MTUS2: variants seen among roughly 807,000 people sequenced by gnomAD.
The protein encoded by MTUS2 is microtubule-associated tumor suppressor candidate 2.
In MTUS2, 40 loss-of-function variants were observed where a neutral mutation model predicts 114.1. The observed-to-expected ratio is 0.35, with a 90% confidence interval of 0.27 to 0.46. The LOEUF (loss-of-function observed/expected upper bound fraction) is 0.46, where lower values mean the gene tolerates loss of function less well. Among genes scored for constraint, MTUS2 ranks in the 20% least tolerant of loss-of-function variants. The probability of loss-of-function intolerance (pLI) is 1.00; values close to 1 mark genes in which losing one functional copy is unlikely to be tolerated. For missense variants in MTUS2, 1,679 were observed against 1,705.4 expected (o/e 0.98, Z 0.27); for synonymous variants, 688 against 672.0 (o/e 1.02, Z -0.37).
chr13:29,341,970 C>T (rs1901422665), intron 7 of MTUS2, among the ~76,000 whole-genome samples: 1 of 151,806 alleles, frequency 6.6e-6, no homozygotes. Context: ...AGGTATTAGG[C>T]TTTATTTCTC....
intron 2 of MTUS2, among the ~76,000 whole-genome samples, chr13:28,866,674 A>C (rs942764117): frequency 9.2e-5 from 14 of 152,212 alleles, no homozygotes; most frequent in Admixed American, 9.2e-4. Context: ...CACGGTTGCC[A>C]AGAATGGGTT....
chr13:29,395,127 A>G (rs887917149), intron 8 of MTUS2, among the ~76,000 whole-genome samples: 3 of 152,332 alleles, frequency 2.0e-5, no homozygotes, highest in Middle Eastern at 3.4e-3. Flanking sequence ...ATGAGATGCT[A>G]TACTAGAGTC....
At chr13:29,354,348 G>A (rs972679084) in intron 7 of MTUS2, among the ~76,000 whole-genome samples, 1 of 146,352 alleles carries the variant, frequency 6.8e-6, no homozygotes, top group African/African-American at 2.6e-5. Flanking sequence ...TTTGGCAATT[G>A]TCATAACACT....
At position 29,480,711 on chromosome 13, in the gene MTUS2, C is replaced by CA. The variant is rs1222814778; in HGVS notation, c.3399+348dup. Among the ~76,000 whole-genome samples, 1 of 152,140 alleles carries CA rather than the reference C, an allele frequency of 6.6e-6. No individual in the cohort carries two copies. Among genetic ancestry groups the CA allele is most frequent in the African/African-American group, 2.4e-5 (1 of 41,430 alleles). On this transcript the variant is annotated intron_variant, in intron 10 of 15. Transcript: ENST00000612955. This position sits in a 1 kb window ranked among gnomAD's most constrained non-coding sequence, Gnocchi z 4.4. Reference sequence around the variant, plus strand: ...ATTATTCCTCCCCCAACCACATACACACTCTTTCTGTCCCCCTCCCAGTAT... The same window carrying CA: ...ATTATTCCTCCCCCAACCACATACACAACTCTTTCTGTCCCCCTCCCAGTAT...
At chr13:29,235,279 G>A (rs1896493411) in intron 5 of MTUS2, among the ~76,000 whole-genome samples, 1 of 152,106 alleles carries the variant, frequency 6.6e-6, no homozygotes, top group Admixed American at 6.6e-5. Context: ...TTTTGGTAGA[G>A]ATGGGGTTTC....
intron 5 of MTUS2, among the ~76,000 whole-genome samples, chr13:29,257,379 C>A (rs1897314891): frequency 6.6e-6 from 1 of 152,198 alleles, no homozygotes; most frequent in African/African-American, 2.4e-5. Flanking sequence ...CTTCTGCTAC[C>A]TTCCTAGAAT....
At chr13:29,183,933 T>C (rs1387779950) in intron 5 of MTUS2, among the ~76,000 whole-genome samples, 3 of 152,238 alleles carry the variant, frequency 2.0e-5, no homozygotes, top group Non-Finnish European at 4.4e-5. Context: ...CCCCGTAGTT[T>C]GTTATAAAAA....
chr13:29,464,440 C>T (rs180907892), intron 9 of MTUS2, among the ~76,000 whole-genome samples: 1 of 152,338 alleles, frequency 6.6e-6, no homozygotes, highest in East Asian at 1.9e-4. Context: ...CAGCCCTGGG[C>T]AGGTCCCTGT....
chr13:29,025,191 A>G lies in MTUS2; in HGVS notation c.493A>G (p.Lys165Glu), dbSNP rs767327701. 1 of 1,613,968 alleles carries G rather than the reference A, an allele frequency of 6.2e-7. No individual in the cohort carries two copies. The highest frequency in any genetic ancestry group is 1.1e-5 in the South Asian group (1 of 91,086). ...GCATGTTCCCAAGGATAAACTGGCA[A>G]AGACCCTTGACAATGAGGAACTGAG... ...PRHVPKDKLA[K>E]TLDNEELRRH... Residue 165 changes from lysine (K) to glutamate (E), a missense_variant, in exon 3 of 16, where the codon AAG becomes GAG. By Grantham distance (56) the Lys-to-Glu change is moderately conservative. Coordinates refer to ENST00000612955, the MANE Select transcript of MTUS2 (RefSeq NM_001033602.4).
At chr13:28,823,486 G>A (rs756573408) in intron 1 of MTUS2, among the ~76,000 whole-genome samples, 1 of 152,082 alleles carries the variant, frequency 6.6e-6, no homozygotes, top group Non-Finnish European at 1.5e-5. Context: ...TCCCACCAAC[G>A]GGTATACCTT....
chr13:29,246,064 T>G (rs1393899689), intron 5 of MTUS2, among the ~76,000 whole-genome samples: 1 of 152,218 alleles, frequency 6.6e-6, no homozygotes, highest in Admixed American at 6.5e-5. Context: ...CCTGGTATAT[T>G]TATGTCATAT....
intron 8 of MTUS2, among the ~76,000 whole-genome samples, chr13:29,410,531 A>T (rs996813576): frequency 6.6e-6 from 1 of 152,126 alleles, no homozygotes; most frequent in African/African-American, 2.4e-5. Flanking sequence ...TTATATGTTT[A>T]AGGGCCATTT....
intron 4 of MTUS2, among the ~76,000 whole-genome samples, chr13:29,076,369 C>T (rs117167863): frequency 6.6e-6 from 1 of 152,314 alleles, no homozygotes; most frequent in East Asian, 1.9e-4. Context: ...ATCACTCTAA[C>T]GCTTAGATGC....
chr13:28,955,005 CTG>C (rs907664185), intron 2 of MTUS2, among the ~76,000 whole-genome samples: 32 of 152,288 alleles, frequency 2.1e-4, no homozygotes, highest in African/African-American at 7.2e-4. Context: ...TGCAAGAACA[CTG>C]TGGAGTCAGC....
chr13:29,046,988 T>G (rs1016705571), intron 4 of MTUS2, among the ~76,000 whole-genome samples: 4 of 152,218 alleles, frequency 2.6e-5, no homozygotes, highest in African/African-American at 9.7e-5. Context: ...GAGGCAGGAC[T>G]TGCGTCAGGA....
chr13:29,025,846 G>T lies in MTUS2; in HGVS notation c.1148G>T (p.Gly383Val). ...AGAGGCAACTGTGAAGAGAAGAGAG[G>T]AGTCAACCCAGGGGAGCAGGATTCT... ...VGRGNCEEKR[G>V]VNPGEQDSLH... The change falls in exon 3 of 16, where the codon GGA (glycine) becomes GTA (valine). Residue 383 changes from glycine to valine, a missense_variant. Gly to Val is a moderately radical substitution (Grantham distance 109, BLOSUM62 -3). Around this residue, in one of 3 missense-constraint regions of MTUS2, gnomAD observed 843 missense variants for 770.8 expected, o/e 1.09. Transcript: ENST00000612955. 1.2e-6 allele frequency: 2 copies of T among 1,613,578 alleles called. No homozygotes were observed. The highest frequency in any genetic ancestry group is 1.7e-6 in the Non-Finnish European group (2 of 1,179,712).
intron 7 of MTUS2, among the ~76,000 whole-genome samples, chr13:29,353,080 G>A (rs1044394824): frequency 2.6e-5 from 4 of 152,060 alleles, no homozygotes; most frequent in African/African-American, 9.7e-5. Context: ...TCTCATTATG[G>A]GTTGTATAAC....
chr13:29,459,846 A>G (rs1174215563), intron 9 of MTUS2, among the ~76,000 whole-genome samples: 2 of 152,130 alleles, frequency 1.3e-5, no homozygotes, highest in South Asian at 2.1e-4. Flanking sequence ...TGCTACTCCC[A>G]TAAGATAGCC....
At chr13:29,449,255 C>T (rs1878513313) in intron 9 of MTUS2, among the ~76,000 whole-genome samples, 1 of 146,144 alleles carries the variant, frequency 6.8e-6, no homozygotes, top group African/African-American at 2.5e-5. Context: ...CGGCAGTGAG[C>T]ACTGAATTGT....
Sources: gnomAD v4.1 joint callset for allele counts (sites outside exome capture counted in the v4.1 genomes callset) on GRCh38, gnomAD v4.1.1 for gene constraint, gnomAD v4.1.1 regional missense constraint, Gnocchi (gnomAD v3.1) non-coding constraint, MANE v1.5 for transcripts, NCBI Gene and HGNC (gene_info 2026-07-23, HGNC 2026-07-21) for gene names.